LTBP2: variants seen among roughly 807,000 people sequenced by gnomAD.
The protein encoded by LTBP2 is latent transforming growth factor beta binding protein 2.
A neutral mutation model predicts 210.6 loss-of-function variants in LTBP2; 103 were observed. The ratio of observed to expected loss-of-function variants is 0.49; its 90% CI spans 0.42 to 0.58. The LOEUF (loss-of-function observed/expected upper bound fraction) is 0.58, where lower values mean the gene tolerates loss of function less well. Among genes scored for constraint, LTBP2 ranks in the 20% least tolerant of loss-of-function variants. The pLI, the probability that LTBP2 is intolerant of heterozygous loss-of-function variation, is 0.00. For missense variants in LTBP2, 2,313 were observed against 2,494.5 expected, an observed-to-expected ratio of 0.93 and a Z score of 1.55; for synonymous variants, 1,007 against 1,015.0, an observed-to-expected ratio of 0.99 and a Z score of 0.15.
At chr14:74,543,546 C>T (rs1446381039) in intron 8 of LTBP2, among the ~76,000 whole-genome samples, 2,633 of 124,686 alleles carry the variant, frequency 0.021, 271 homozygotes, top group African/African-American at 0.083. Context: ...TTTTTCCTCC[C>T]TCCCTCCCTT....
At chr14:74,546,667 G>A (rs1256816511) in intron 8 of LTBP2, among the ~76,000 whole-genome samples, 1 of 152,216 alleles carries the variant, frequency 6.6e-6, no homozygotes, top group Non-Finnish European at 1.5e-5. Context: ...CGTTGGGTGT[G>A]TTGGGGGAGG....
chr14:74,562,308 T>TG (rs745791174), intron 3 of LTBP2, among the ~76,000 whole-genome samples: 63 of 152,252 alleles, frequency 4.1e-4, no homozygotes, highest in South Asian at 3.1e-3. Context: ...AAGCACCATT[T>TG]GGGTAAAGCA....
At chr14:74,606,506 C>A (rs2139810807) in intron 1 of LTBP2, among the ~76,000 whole-genome samples, 1 of 152,332 alleles carries the variant, frequency 6.6e-6, no homozygotes, top group African/African-American at 2.4e-5. Flanking sequence ...TGATTAAAAT[C>A]CTTTGCATAC....
chr14:74,524,043 A>G (rs862034), intron 15 of LTBP2, among the ~76,000 whole-genome samples: 98,229 of 151,900 alleles, frequency 0.65, 31,859 homozygotes, highest in East Asian at 0.73. Flanking sequence ...ATGGCAGAGG[A>G]GAAGGGGGAT....
In LTBP2 at chr14:74,586,443, C is replaced by T. The variant is rs758150886; in HGVS notation, c.566-325G>A. 3.3e-5 allele frequency among the ~76,000 whole-genome samples: 5 copies of T among 152,160 alleles called. No homozygotes were observed. Among genetic ancestry groups the T allele is most frequent in the Non-Finnish European group, 5.9e-5 (4 of 68,036 alleles). ...TGTGTCTATACTGAAATGTTCACTC[C>T]CACCAGACTGGAAGCCCCCTGAGGA... On this transcript the variant is annotated intron_variant, in intron 2 of 35. Transcript: ENST00000261978. This position sits in a 1 kb window ranked among gnomAD's most constrained non-coding sequence, Gnocchi z 4.6.
intron 8 of LTBP2, among the ~76,000 whole-genome samples, chr14:74,546,127 C>T (rs1008011669): frequency 1.3e-5 from 2 of 152,184 alleles, no homozygotes; most frequent in Admixed American, 1.3e-4. Flanking sequence ...CCTATCACTC[C>T]CACCACTGCC....
chr14:74,596,269 T>TAAATATA lies in LTBP2; in HGVS notation c.565+7365_565+7366insTATATTT, dbSNP rs1566654027. 1.8e-3 allele frequency among the ~76,000 whole-genome samples: 210 copies of TAAATATA among 119,112 alleles called. 1 individual carries two copies. Among genetic ancestry groups the TAAATATA allele is most frequent in the Middle Eastern group, 4.7e-3 (1 of 212 alleles). The allele number at this position is 119,112 out of a possible 152,430, so 78.1% of individuals were successfully genotyped here. A position where few individuals can be genotyped will look rare whatever the true frequency, so the allele number is the denominator to read the frequency against. Reference sequence around the variant, plus strand: ...AATAAATAAATAAATAAATAAAAATTAAAAACAAAGAAGTGGAGCAGAACT... The same window carrying TAAATATA: ...AATAAATAAATAAATAAATAAAAATTAAATATAAAAAACAAAGAAGTGGAGCAGAACT... On this transcript the variant is annotated intron_variant, in intron 2 of 35. Transcript: ENST00000261978.
In LTBP2 at chr14:74,501,515, A is replaced by G. The variant is rs1486518727; in HGVS notation, c.5246T>C (p.Val1749Ala). The G allele has an allele frequency of 6.2e-7, 1 of 1,614,162 alleles. No homozygotes were observed. The highest frequency in any genetic ancestry group is 1.7e-5 in the Admixed American group (1 of 60,024). The change falls in exon 35 of 36, where the codon GTG becomes GCG. Residue 1749 changes from valine (V) to alanine (A), a missense_variant. By Grantham distance (64) the Val-to-Ala change is moderately conservative. Coordinates refer to ENST00000261978, the MANE Select transcript of LTBP2 (RefSeq NM_000428.3). The stretch of plus-strand genomic sequence containing the variant: ...ACAGGTGTAGCCCTCCCGCACGCGC[A>G]CACAGCGGCCATTCTCACAGCCGTT... ...ILNGCENGRCVRVREGYTCDC... is the reference protein window; with the variant it reads ...ILNGCENGRCARVREGYTCDC...
chr14:74,534,130 G>T (rs1465055388), intron 9 of LTBP2, among the ~76,000 whole-genome samples: 1 of 152,206 alleles, frequency 6.6e-6, no homozygotes, highest in Non-Finnish European at 1.5e-5. Context: ...GAAATGGGAA[G>T]GGGCAGTGAT....
At chr14:74,522,086 C>A in intron 16 of LTBP2, 47 bp from the exon 17 acceptor site, 2 of 1,585,506 alleles carry the variant, frequency 1.3e-6, no homozygotes, top group South Asian at 2.3e-5. Context: ...CCAGCGGTGC[C>A]GTTCTTTGGG....
chr14:74,576,419 A>G (rs1464375274), intron 3 of LTBP2, among the ~76,000 whole-genome samples: 1 of 152,202 alleles, frequency 6.6e-6, no homozygotes, highest in Non-Finnish European at 1.5e-5. Context: ...AACTGGGAAA[A>G]ATGGATTATA....
chr14:74,536,674 C>A (rs570510243), intron 8 of LTBP2, among the ~76,000 whole-genome samples: 5 of 152,218 alleles, frequency 3.3e-5, no homozygotes, highest in Non-Finnish European at 5.9e-5. Flanking sequence ...GGTGAAACCC[C>A]ATCTCTACTA....
At chr14:74,516,280 G>C (rs2087133421) in intron 18 of LTBP2, among the ~76,000 whole-genome samples, 2 of 152,222 alleles carry the variant, frequency 1.3e-5, no homozygotes, top group Admixed American at 6.5e-5. Context: ...GCAAGGGTCT[G>C]TGAGGAGACC....
At chr14:74,522,071 G>T (rs2139710106) in intron 16 of LTBP2, 32 bp from the exon 17 acceptor site, 2 of 1,600,294 alleles carry the variant, frequency 1.2e-6, no homozygotes, top group South Asian at 2.2e-5. Flanking sequence ...GGGAGGTCAG[G>T]GGGGCCAGCG....
At chr14:74,592,269 T>C (rs879655203) in intron 2 of LTBP2, among the ~76,000 whole-genome samples, 5 of 152,230 alleles carry the variant, frequency 3.3e-5, no homozygotes, top group Non-Finnish European at 5.9e-5. Flanking sequence ...GGCAGTTCCA[T>C]GCGGTGCTGT....
intron 34 of LTBP2, among the ~76,000 whole-genome samples, chr14:74,502,197 C>T (rs1236242505): frequency 6.6e-6 from 1 of 152,080 alleles, no homozygotes; most frequent in Non-Finnish European, 1.5e-5. Context: ...ACTCCAAGGC[C>T]TGAGTGTTTG....
At position 74,509,453 on chromosome 14, in the gene LTBP2, C is replaced by T. The variant is rs532079079; in HGVS notation, c.3278-90G>A. On this transcript the variant is annotated intron_variant, in intron 21 of 35. Coordinates refer to ENST00000261978, the MANE Select transcript of LTBP2 (RefSeq NM_000428.3). ...CCTCACCGTGGCTTCCCTCTCTGAG[C>T]CCCTGGGGCTTTCCTAAAACCCCCT... 12 of 1,578,506 alleles carry T rather than the reference C, an allele frequency of 7.6e-6. No homozygotes were observed. In the South Asian group the frequency reaches 1.1e-4, roughly 15 times the overall value.
intron 18 of LTBP2, among the ~76,000 whole-genome samples, chr14:74,515,177 C>T (rs532005199): frequency 4.6e-4 from 70 of 152,050 alleles, no homozygotes; most frequent in African/African-American, 1.5e-3. Context: ...TTCCAGACAT[C>T]GCGTCAAAAG....
At chr14:74,590,011 TA>T (rs2088260035) in intron 2 of LTBP2, among the ~76,000 whole-genome samples, 1 of 152,096 alleles carries the variant, frequency 6.6e-6, no homozygotes, top group Admixed American at 6.5e-5. Flanking sequence ...ACATTAACAA[TA>T]AGATCCTTCA....
Sources: allele counts gnomAD v4.1 joint callset (sites outside exome capture counted in the v4.1 genomes callset), GRCh38; gene constraint gnomAD v4.1.1; non-coding constraint Gnocchi (gnomAD v3.1); transcripts MANE v1.5; gene names NCBI Gene and HGNC (gene_info 2026-07-23, HGNC 2026-07-21).